Variants in ATP2C1 observed in about 807,000 individuals in gnomAD.
The protein encoded by ATP2C1 is ATPase secretory pathway Ca2+ transporting 1.
ATP2C1 carries 31 observed loss-of-function variants against 120.5 expected under a neutral mutation model. The observed-to-expected ratio is 0.26, with a 90% CI of 0.19 to 0.35. The LOEUF is 0.35. Ranked by LOEUF, ATP2C1 falls within the 10% of genes least tolerant of loss-of-function variation. The pLI is 1.00. For missense variants in ATP2C1, 731 were observed against 1,107.5 expected (o/e 0.66, Z 4.83); for synonymous variants, 351 against 358.7 (o/e 0.98, Z 0.24).
chr3:130,996,206 T>G (rs2062615088), intron 23 of ATP2C1, 95 bp downstream of exon 23: 2 of 928,134 alleles, frequency 2.2e-6, no homozygotes, highest in East Asian at 4.8e-5. Context: ...CTCTGCCTTA[T>G]ATTTGTGAGC....
chr3:131,004,365 C>T (rs2063020537), downstream of ATP2C1, among the ~76,000 whole-genome samples: 1 of 152,204 alleles, frequency 6.6e-6, no homozygotes. Flanking sequence ...TCCTTGAGCT[C>T]AGTTACCACT....
chr3:130,930,130 T>C (rs2059391199), intron 2 of ATP2C1: 1 of 409,338 alleles, frequency 2.4e-6, no homozygotes, highest in African/African-American at 2.1e-5. Context: ...TCTGTTTTAC[T>C]TTTTACTCTT....
In ATP2C1 at chr3:130,966,623, T is replaced by C. The variant is rs530144086; in HGVS notation, c.1123-522T>C. ...TTTGGCTTGGTTTGTTCTAGACATA[T>C]GATATAAATACCTGGTTTGTCTCTA... On this transcript the variant is annotated intron_variant, in intron 14 of 27. Coordinates refer to ENST00000510168, the MANE Select transcript of ATP2C1 (RefSeq NM_001378687.1). Among the ~76,000 whole-genome samples, 53 of 152,210 alleles carry C rather than the reference T, an allele frequency of 3.5e-4. 1 individual carries two copies. In the South Asian group the frequency reaches 4.1e-3, roughly 12 times the overall value.
At chr3:131,006,539 T>C (rs751516695), downstream of ATP2C1, among the ~76,000 whole-genome samples, 52 of 152,184 alleles carry the variant, frequency 3.4e-4, 1 homozygote, top group Non-Finnish European at 6.0e-4. Flanking sequence ...AATCGTTTTT[T>C]CTCTGTCCCA....
chr3:130,969,966 A>C (rs2061223419), intron 17 of ATP2C1, among the ~76,000 whole-genome samples: 1 of 152,208 alleles, frequency 6.6e-6, no homozygotes, highest in Non-Finnish European at 1.5e-5. Context: ...TACAGTGTAT[A>C]ATTATATCAC....
chr3:130,924,101 T>G (rs2059094042), intron 2 of ATP2C1, among the ~76,000 whole-genome samples: 1 of 152,014 alleles, frequency 6.6e-6, no homozygotes, highest in Non-Finnish European at 1.5e-5. Flanking sequence ...GTACTGTTGT[T>G]TTCATCATGC....
chr3:130,996,615 A>G, intron 23 of ATP2C1, 65 bp from the exon 24 acceptor site: 1 of 1,053,882 alleles, frequency 9.5e-7, no homozygotes, highest in Non-Finnish European at 1.5e-6. Flanking sequence ...ATGCTAAAAA[A>G]GTGGTATCAT....
intron 16 of ATP2C1, among the ~76,000 whole-genome samples, chr3:130,968,426 G>C (rs967828326): frequency 5.9e-5 from 9 of 152,116 alleles, no homozygotes; most frequent in African/African-American, 2.2e-4. Flanking sequence ...TAAACACTGA[G>C]TCACATATAA....
chr3:131,014,124 T>A, intron 26 of ATP2C1: 1 of 1,612,246 alleles, frequency 6.2e-7, no homozygotes, highest in Non-Finnish European at 8.5e-7. Flanking sequence ...AAACCGGTTG[T>A]TTCCCTCATA....
intron 1 of ATP2C1, among the ~76,000 whole-genome samples, chr3:130,864,660 C>A (rs1017308384): frequency 8.5e-5 from 13 of 152,198 alleles, no homozygotes; most frequent in Non-Finnish European, 1.8e-4. Flanking sequence ...TGTGTTCCAG[C>A]CATGGCTGAA....
At chr3:131,014,494 T>G in intron 26 of ATP2C1, 1 of 1,003,334 alleles carries the variant, frequency 1.0e-6, no homozygotes, top group Non-Finnish European at 1.4e-6. Context: ...TGAGAGCTCT[T>G]ATTGCTCTAT....
At chr3:130,895,959 G>A (rs1357229256) in intron 2 of ATP2C1, among the ~76,000 whole-genome samples, 1 of 151,982 alleles carries the variant, frequency 6.6e-6, no homozygotes, top group Non-Finnish European at 1.5e-5. Flanking sequence ...TGGGTCTTGA[G>A]AAACATTTGA....
intron 1 of ATP2C1, among the ~76,000 whole-genome samples, chr3:130,867,707 G>A (rs867687418): frequency 1.2e-4 from 18 of 147,408 alleles, no homozygotes; most frequent in South Asian, 2.2e-4. Flanking sequence ...CTGCCCGGCC[G>A]CCACCCCGTC....
At chr3:130,984,338 C>A (rs1304071807) in intron 20 of ATP2C1, among the ~76,000 whole-genome samples, 1 of 152,118 alleles carries the variant, frequency 6.6e-6, no homozygotes, top group Non-Finnish European at 1.5e-5. Flanking sequence ...TTTTTATACA[C>A]TAAATTCCTG....
chr3:130,941,269 T>G (rs971459586), intron 7 of ATP2C1, among the ~76,000 whole-genome samples: 1 of 145,060 alleles, frequency 6.9e-6, no homozygotes, highest in Middle Eastern at 3.5e-3. Flanking sequence ...TGTGTGTCTG[T>G]GTGTGTGCGC....
chr3:130,959,188 G>A, intron 11 of ATP2C1, 87 bp from the exon 12 acceptor site: 1 of 950,772 alleles, frequency 1.1e-6, no homozygotes, highest in Non-Finnish European at 1.7e-6. Context: ...TTTTTGTCAA[G>A]GGACGTTTTA....
chr3:130,992,784 C>G lies in ATP2C1; in HGVS notation c.1840-167C>G, dbSNP rs186149035. ...TTGGTAAAGATTGAAATGACCATGTCAGATTAATGTCTTAACAAACATATG... is the reference window on the plus strand; with the variant it reads ...TTGGTAAAGATTGAAATGACCATGTGAGATTAATGTCTTAACAAACATATG... On this transcript the variant is annotated intron_variant, in intron 20 of 27. Transcript: ENST00000510168. 319 of 628,036 alleles carry G rather than the reference C, an allele frequency of 5.1e-4. 1 individual carries two copies. The highest frequency in any genetic ancestry group is 6.9e-4 in the Non-Finnish European group (238 of 344,768). 38.9% of individuals were successfully genotyped at this position (628,036 alleles called of 1,614,324 possible). A position where few individuals can be genotyped will look rare whatever the true frequency, so the allele number is the denominator to read the frequency against.
intron 2 of ATP2C1, among the ~76,000 whole-genome samples, chr3:130,898,637 C>T (rs2069854739): frequency 6.6e-6 from 1 of 152,132 alleles, no homozygotes; most frequent in Non-Finnish European, 1.5e-5. Flanking sequence ...TACTTGTATG[C>T]AATAACCTTC....
At chr3:130,884,327 C>T (rs1314798148) in intron 1 of ATP2C1, among the ~76,000 whole-genome samples, 3 of 152,144 alleles carry the variant, frequency 2.0e-5, no homozygotes, top group South Asian at 2.1e-4. Context: ...CAAAATTCCT[C>T]GTTATTAATT....
Sources: allele counts gnomAD v4.1 joint callset (sites outside exome capture counted in the v4.1 genomes callset), GRCh38; gene constraint gnomAD v4.1.1; transcripts MANE v1.5; gene names NCBI Gene and HGNC (gene_info 2026-07-23, HGNC 2026-07-21).